Variants in UNC5D observed in about 807,000 individuals in gnomAD.
UNC5D encodes unc-5 netrin receptor D.
UNC5D carries 39 observed loss-of-function variants against 105.4 expected under a neutral mutation model. That is an observed-to-expected ratio of 0.37 (90% CI 0.29 to 0.48). The LOEUF is 0.48. Ranked by LOEUF, UNC5D falls within the 20% of genes least tolerant of loss-of-function variation. The pLI, the probability that UNC5D is intolerant of heterozygous loss-of-function variation, is 0.98. For synonymous variants in UNC5D, 452 were observed against 450.4 expected (o/e 1.00, Z -0.04); for missense variants, 991 against 1,202.4 (o/e 0.82, Z 2.60).
intron 1 of UNC5D, among the ~76,000 whole-genome samples, chr8:35,246,923 G>T (rs183391154): frequency 6.6e-6 from 1 of 152,024 alleles, no homozygotes. Context: ...CATTTGCAAA[G>T]AAAAACAATC....
intron 1 of UNC5D, among the ~76,000 whole-genome samples, chr8:35,422,708 A>G (rs956370030): frequency 3.3e-5 from 5 of 152,220 alleles, no homozygotes; most frequent in African/African-American, 1.2e-4. Flanking sequence ...GAAAAGGACT[A>G]TTATCGTTTA....
chr8:35,335,031 A>G (rs1303574079), intron 1 of UNC5D, among the ~76,000 whole-genome samples: 3 of 152,184 alleles, frequency 2.0e-5, no homozygotes, highest in Admixed American at 6.5e-5. Flanking sequence ...ATTCATGTAA[A>G]TAGAATAATA....
intron 7 of UNC5D, among the ~76,000 whole-genome samples, chr8:35,702,963 T>C (rs1827312836): frequency 6.6e-6 from 1 of 152,140 alleles, no homozygotes; most frequent in Admixed American, 6.5e-5. Context: ...CTTTGGTTGC[T>C]GGTCTGCACA....
intron 1 of UNC5D, among the ~76,000 whole-genome samples, chr8:35,430,519 C>T (rs2128974599): frequency 6.6e-6 from 1 of 152,202 alleles, no homozygotes; most frequent in Middle Eastern, 3.4e-3. Context: ...ATCAGAAGCA[C>T]AAATGAAACA....
At chr8:35,376,031 T>C (rs1257665841) in intron 1 of UNC5D, among the ~76,000 whole-genome samples, 5 of 152,220 alleles carry the variant, frequency 3.3e-5, no homozygotes, top group Admixed American at 1.3e-4. Context: ...TGCTGAAACC[T>C]ACTTGTATTA....
At chr8:35,632,138 G>A (rs1028904199) in intron 4 of UNC5D, among the ~76,000 whole-genome samples, 1 of 152,198 alleles carries the variant, frequency 6.6e-6, no homozygotes, top group African/African-American at 2.4e-5. Flanking sequence ...AAGAAGAGGT[G>A]AAACCAGTGT....
intron 1 of UNC5D, among the ~76,000 whole-genome samples, chr8:35,289,543 A>C (rs1209646959): frequency 6.6e-6 from 1 of 152,210 alleles, no homozygotes; most frequent in Admixed American, 6.5e-5. Flanking sequence ...ACAATGGTAA[A>C]ATACACATTC....
chr8:35,694,696 A>AGTGTGT lies in UNC5D; in HGVS notation c.1084+8003_1084+8008dup, dbSNP rs3077800. On this transcript the variant is annotated intron_variant, in intron 7 of 16. Coordinates refer to ENST00000404895, the MANE Select transcript of UNC5D (RefSeq NM_080872.4). Reference sequence around the variant, plus strand: ...TATTATACAAAATAGCAATAACTATAGTGTGTGTGTGTGTGTGTGTGGTGT... The same window carrying AGTGTGT: ...TATTATACAAAATAGCAATAACTATAGTGTGTGTGTGTGTGTGTGTGTGTGTGGTGT... Among the ~76,000 whole-genome samples the AGTGTGT allele has an allele frequency of 4.3e-3, 649 of 149,754 alleles. 4 individuals are homozygous for AGTGTGT. Among genetic ancestry groups the AGTGTGT allele is most frequent in the African/African-American group, 0.015 (597 of 40,868 alleles).
chr8:35,470,545 T>G (rs1394936658), intron 1 of UNC5D, among the ~76,000 whole-genome samples: 1 of 145,140 alleles, frequency 6.9e-6, no homozygotes, highest in Non-Finnish European at 1.5e-5. Flanking sequence ...CACCTGAGTC[T>G]AAGAGATTGA....
intron 1 of UNC5D, among the ~76,000 whole-genome samples, chr8:35,430,676 T>C (rs1406751412): frequency 6.6e-6 from 1 of 152,170 alleles, no homozygotes; most frequent in Non-Finnish European, 1.5e-5. Flanking sequence ...TCTGTAGAAC[T>C]GATTGCTCAC....
intron 1 of UNC5D, among the ~76,000 whole-genome samples, chr8:35,314,897 A>T: frequency 6.6e-6 from 1 of 152,292 alleles, no homozygotes; most frequent in Non-Finnish European, 1.5e-5. Context: ...CACAGAAGGG[A>T]TATTAAACAC....
rs571280620 is a variant in UNC5D at position 35,283,101 on chromosome 8, T to G, written c.103+47214T>G. 2.0e-5 allele frequency among the ~76,000 whole-genome samples: 3 copies of G among 152,246 alleles called. No individual in the cohort carries two copies. The South Asian group carries it at 6.2e-4, about 32-fold the overall frequency. ...CTCTTGGGAAGCTATTTGGGGGTAGTTTTCATTCTGGAGGTTGTCAATGGT... is the reference window on the plus strand; with the variant it reads ...CTCTTGGGAAGCTATTTGGGGGTAGGTTTCATTCTGGAGGTTGTCAATGGT... On this transcript the variant is annotated intron_variant, in intron 1 of 16. Coordinates refer to ENST00000404895, the MANE Select transcript of UNC5D (RefSeq NM_080872.4).
At chr8:35,250,395 G>A (rs1023958145) in intron 1 of UNC5D, among the ~76,000 whole-genome samples, 3 of 152,032 alleles carry the variant, frequency 2.0e-5, no homozygotes, top group Admixed American at 1.3e-4. Context: ...AGATTCAGGG[G>A]GTGCATGTGC....
intron 1 of UNC5D, among the ~76,000 whole-genome samples, chr8:35,306,910 AT>A (rs1457736051): frequency 5.3e-5 from 8 of 152,096 alleles, no homozygotes; most frequent in African/African-American, 1.9e-4. Flanking sequence ...TTCTTGTTGT[AT>A]TTAGTTTGTC....
intron 4 of UNC5D, 115 bp downstream of exon 4, chr8:35,595,772 G>A (rs1351590185): frequency 1.2e-6 from 1 of 862,006 alleles, no homozygotes; most frequent in Non-Finnish European, 1.8e-6. Context: ...TGGGATTCTT[G>A]TTGCCTGGGC....
chr8:35,445,606 G>T (rs1408415744), intron 1 of UNC5D, among the ~76,000 whole-genome samples: 1 of 151,978 alleles, frequency 6.6e-6, no homozygotes, highest in Non-Finnish European at 1.5e-5. Flanking sequence ...AGTGTTGAAG[G>T]TGAGCTTTAA....
chr8:35,713,125 C>T (rs1828057094), intron 8 of UNC5D, among the ~76,000 whole-genome samples: 1 of 151,908 alleles, frequency 6.6e-6, no homozygotes, highest in Non-Finnish European at 1.5e-5. Context: ...CTACCATTTT[C>T]AATGATTTTG....
At chr8:35,730,193 T>C (rs1374381081) in intron 10 of UNC5D, among the ~76,000 whole-genome samples, 1 of 152,238 alleles carries the variant, frequency 6.6e-6, no homozygotes, top group Non-Finnish European at 1.5e-5. Flanking sequence ...AGAGAATCCC[T>C]GCCCTCCTTA....
intron 1 of UNC5D, among the ~76,000 whole-genome samples, chr8:35,375,373 G>C (rs1433559260): frequency 1.3e-5 from 2 of 152,164 alleles, no homozygotes; most frequent in African/African-American, 4.8e-5. Context: ...CAGGTGCTGG[G>C]GAAGGAGAGA....
Sources: gnomAD v4.1 joint callset for allele counts (sites outside exome capture counted in the v4.1 genomes callset) on GRCh38, gnomAD v4.1.1 for gene constraint, MANE v1.5 for transcripts, NCBI Gene and HGNC (gene_info 2026-07-23, HGNC 2026-07-21) for gene names.